The following RBFOX1 variants were observed in gnomAD, a reference collection of about 807,000 sequenced individuals.
The protein encoded by RBFOX1 is RNA binding fox-1 homolog 1.
RBFOX1 carries 8 observed loss-of-function variants against 57.7 expected under a neutral mutation model. That is an observed-to-expected ratio of 0.14 (90% CI 0.08 to 0.25). RBFOX1 has a LOEUF of 0.25. RBFOX1 is among the 10% of genes least tolerant of loss of function. The pLI is 1.00. For missense variants in RBFOX1, 611 were observed against 548.5 expected, an observed-to-expected ratio of 1.11 and a Z score of -1.14; for synonymous variants, 326 against 222.4, an observed-to-expected ratio of 1.47 and a Z score of -4.15.
At chr16:7,609,933 T>C (rs2057104456) in intron 10 of RBFOX1, among the ~76,000 whole-genome samples, 3 of 151,750 alleles carry the variant, frequency 2.0e-5, no homozygotes, top group Middle Eastern at 6.8e-3. Flanking sequence ...TTCTCCTGCC[T>C]CAGCCTCCTG....
exon 3 of RBFOX1, chr16:5,599,129 A>C: frequency 3.0e-6 from 2 of 660,574 alleles, no homozygotes; most frequent in Non-Finnish European, 5.1e-6. Context: ...GAGCACTTGC[A>C]CAATTTCTAT....
intron 2 of RBFOX1, among the ~76,000 whole-genome samples, chr16:6,457,586 A>G (rs922199917): frequency 7.2e-5 from 11 of 152,190 alleles, no homozygotes; most frequent in African/African-American, 2.7e-4. Context: ...GCAGTGCCCC[A>G]GGACTCATTA....
At chr16:7,442,939 T>C (rs556512685) in intron 4 of RBFOX1, among the ~76,000 whole-genome samples, 1 of 152,326 alleles carries the variant, frequency 6.6e-6, no homozygotes, top group African/African-American at 2.4e-5. Flanking sequence ...TAATGATCTT[T>C]TGTGGAACTC....
intron 4 of RBFOX1, among the ~76,000 whole-genome samples, chr16:5,980,187 G>A (rs2060144243): frequency 6.6e-6 from 1 of 152,236 alleles, no homozygotes; most frequent in Non-Finnish European, 1.5e-5. Context: ...TAAAGGTCAA[G>A]TGTTAAAATG....
intron 3 of RBFOX1, among the ~76,000 whole-genome samples, chr16:6,747,476 T>TGTCTATC (rs1414362121): frequency 2.9e-5 from 4 of 137,034 alleles, no homozygotes; most frequent in East Asian, 2.0e-4. Flanking sequence ...GTCTGTCTGT[T>TGTCTATC]TATCTATCTG....
chr16:7,238,558 A>ACTT (rs2093893579), intron 4 of RBFOX1, among the ~76,000 whole-genome samples: 1 of 152,028 alleles, frequency 6.6e-6, no homozygotes, highest in African/African-American at 2.4e-5. Context: ...AGGAAAGCCT[A>ACTT]CTTCTGTGTT....
At chr16:6,865,014 T>TC (rs2059673901) in intron 3 of RBFOX1, among the ~76,000 whole-genome samples, 1 of 144,500 alleles carries the variant, frequency 6.9e-6, no homozygotes, top group East Asian at 2.0e-4. Context: ...TTTTTTTTTT[T>TC]TTTTTGAGAT....
intron 3 of RBFOX1, among the ~76,000 whole-genome samples, chr16:6,971,333 G>A (rs1358933744): frequency 6.6e-6 from 1 of 152,160 alleles, no homozygotes; most frequent in African/African-American, 2.4e-5. Flanking sequence ...AACATCCATG[G>A]AAGAGCAATC....
At chr16:6,306,009 T>C (rs1329716150) in intron 1 of RBFOX1, among the ~76,000 whole-genome samples, 1 of 152,006 alleles carries the variant, frequency 6.6e-6, no homozygotes, top group African/African-American at 2.4e-5. Flanking sequence ...TGTGGTTTCT[T>C]TCTAGAATTA....
intron 4 of RBFOX1, among the ~76,000 whole-genome samples, chr16:7,466,194 G>A (rs373538956): frequency 2.6e-5 from 4 of 152,270 alleles, no homozygotes; most frequent in African/African-American, 9.6e-5. Context: ...GTTGTAATTT[G>A]CATCTAATAA....
At chr16:7,555,940 C>G (rs9927593) in intron 5 of RBFOX1, among the ~76,000 whole-genome samples, 7 of 152,138 alleles carry the variant, frequency 4.6e-5, no homozygotes, top group Admixed American at 2.6e-4. Flanking sequence ...CTAAAACTTA[C>G]GTTCCTTGAG....
intron 2 of RBFOX1, among the ~76,000 whole-genome samples, chr16:6,504,743 A>C (rs966049036): frequency 6.6e-6 from 1 of 152,130 alleles, no homozygotes; most frequent in Non-Finnish European, 1.5e-5. Context: ...AAGTGCATCA[A>C]ATCGGCACTT....
intron 3 of RBFOX1, among the ~76,000 whole-genome samples, chr16:6,798,901 GAAAA>G (rs956493197): frequency 1.3e-5 from 2 of 151,740 alleles, no homozygotes; most frequent in Non-Finnish European, 2.9e-5. Context: ...GAGGTTTAGA[GAAAA>G]AAAATGAATT....
At chr16:7,062,893 A>ATTCTTT (rs2054872630) in intron 4 of RBFOX1, among the ~76,000 whole-genome samples, 1 of 47,256 alleles carries the variant, frequency 2.1e-5, no homozygotes, top group Admixed American at 3.0e-4. Context: ...AATGATCGCC[A>ATTCTTT]TTTTTTTTTT....
At chr16:6,090,216 A>G (rs2096151328) in intron 1 of RBFOX1, 1 of 152,166 alleles carries the variant, frequency 6.6e-6, no homozygotes, top group Non-Finnish European at 1.5e-5. Flanking sequence ...ACTTGTGACT[A>G]CATTGGGCCC....
chr16:6,100,335 T>G (rs1296843251), intron 1 of RBFOX1, among the ~76,000 whole-genome samples: 1 of 152,176 alleles, frequency 6.6e-6, no homozygotes, highest in Non-Finnish European at 1.5e-5. Context: ...GCTAATGTTT[T>G]GTATTTTTAG....
At chr16:6,402,435 G>A (rs910180739) in intron 2 of RBFOX1, among the ~76,000 whole-genome samples, 13 of 152,010 alleles carry the variant, frequency 8.6e-5, no homozygotes, top group Admixed American at 2.0e-4. Flanking sequence ...TTTTCCTTTG[G>A]ATCTTTTATC....
intron 4 of RBFOX1, among the ~76,000 whole-genome samples, chr16:7,217,672 T>A (rs28633291): frequency 6.6e-6 from 1 of 152,134 alleles, no homozygotes; most frequent in African/African-American, 2.4e-5. Context: ...TTTTTAATCA[T>A]AGGGGGAAGG....
intron 4 of RBFOX1, among the ~76,000 whole-genome samples, chr16:7,350,154 T>TAA (rs900051143): frequency 6.7e-6 from 1 of 149,748 alleles, no homozygotes; most frequent in Non-Finnish European, 1.5e-5. Flanking sequence ...CTAAAAAATT[T>TAA]AAAAAAAAAA....
Sources: allele counts gnomAD v4.1 joint callset (sites outside exome capture counted in the v4.1 genomes callset), GRCh38; gene constraint gnomAD v4.1.1; transcripts MANE v1.5; gene names NCBI Gene and HGNC (gene_info 2026-07-23, HGNC 2026-07-21).